Variants in STK32A observed in about 807,000 individuals in gnomAD.
STK32A encodes serine/threonine kinase 32A, also known as serine/threonine-protein kinase 32A.
A neutral mutation model predicts 53.2 loss-of-function variants in STK32A; 41 were observed. The ratio of observed to expected loss-of-function variants is 0.77; its 90% CI spans 0.60 to 1.00. STK32A has a LOEUF of 1.00. Among genes scored for constraint, STK32A ranks in the 50% least tolerant of loss-of-function variants. The probability of loss-of-function intolerance (pLI) is 0.00; values close to 1 mark genes in which losing one functional copy is unlikely to be tolerated. For synonymous variants in STK32A, 166 were observed against 162.8 expected (o/e 1.02, Z -0.15); for missense variants, 458 against 485.8 (o/e 0.94, Z 0.54).
rs978867870 is a variant in STK32A at position 147,309,400 on chromosome 5, T to C, written c.261-14498T>C. 4.1e-4 allele frequency among the ~76,000 whole-genome samples: 62 copies of C among 152,178 alleles called. 1 individual carries two copies. Among genetic ancestry groups the C allele is most frequent in the Non-Finnish European group, 1.3e-4 (9 of 68,030 alleles). The stretch of plus-strand genomic sequence containing the variant: ...CTGTGAAATTAGTAGAGAATTAGAA[T>C]AGGATTTTCTAAGTATCCATTTGAG... On this transcript the variant is annotated intron_variant, in intron 4 of 12. Transcript: ENST00000397936.
chr5:147,281,836 G>C (rs1752078619), intron 4 of STK32A, among the ~76,000 whole-genome samples: 1 of 152,132 alleles, frequency 6.6e-6, no homozygotes. Flanking sequence ...ATGAAGGAAA[G>C]AATCTTAAGA....
At chr5:147,333,979 A>G (rs1380917258) in intron 5 of STK32A, among the ~76,000 whole-genome samples, 1 of 152,212 alleles carries the variant, frequency 6.6e-6, no homozygotes, top group Non-Finnish European at 1.5e-5. Context: ...AACATTATAT[A>G]TAAGAAAGCA....
intron 2 of STK32A, among the ~76,000 whole-genome samples, chr5:147,266,625 G>A (rs895652027): frequency 2.0e-4 from 30 of 152,094 alleles, no homozygotes; most frequent in Non-Finnish European, 2.2e-4. Context: ...TGTGGATATA[G>A]CGAAGAACAA....
chr5:147,398,696 C>T, the STK32A span, among the ~76,000 whole-genome samples: 2 of 152,078 alleles, frequency 1.3e-5, no homozygotes, highest in Admixed American at 6.5e-5. Context: ...CCCTGACTTC[C>T]GGAAGTTAGG....
rs757351674 is a variant in STK32A, at chr5:147,373,175, G to A, written c.784G>A (p.Glu262Lys). 14 of 1,612,718 alleles carry A rather than the reference G, an allele frequency of 8.7e-6. No individual in the cohort carries two copies. Among genetic ancestry groups the A allele is most frequent in the African/African-American group, 2.7e-5 (2 of 74,742 alleles). ...EMVSLLKKLL[E>K]PNPDQRFSQL... ...GTTTGCATTTTATTGGCAGCTACTC[G>A]AACCTAATCCAGACCAACGATTTTC... The change falls in exon 10 of 13, where the codon GAA (glutamate) becomes AAA (lysine). Residue 262 changes from glutamate to lysine, a missense_variant. Transcript: ENST00000397936.
intron 11 of STK32A, among the ~76,000 whole-genome samples, chr5:147,379,464 G>C (rs546483091): frequency 6.6e-6 from 1 of 152,100 alleles, no homozygotes; most frequent in African/African-American, 2.4e-5. Context: ...TCATAGGCTT[G>C]TTCTGAGTAA....
intron 7 of STK32A, among the ~76,000 whole-genome samples, chr5:147,357,900 C>T (rs548390857): frequency 1.3e-5 from 2 of 152,084 alleles, no homozygotes; most frequent in African/African-American, 2.4e-5. Flanking sequence ...CATTTTTGTG[C>T]TAATATCTAT....
At chr5:147,391,112 G>A (rs1757786725), downstream of STK32A, 2 of 152,624 alleles carry the variant, frequency 1.3e-5, no homozygotes. Context: ...TTTTCCAGGG[G>A]AGAAAGCCTG....
chr5:147,363,870 A>T (rs1469426122), intron 8 of STK32A, among the ~76,000 whole-genome samples: 3 of 152,168 alleles, frequency 2.0e-5, no homozygotes, highest in Admixed American at 6.5e-5. Flanking sequence ...TTAACATTTT[A>T]CTATAAGCAG....
intron 6 of STK32A, among the ~76,000 whole-genome samples, chr5:147,350,318 T>C (rs1350608549): frequency 6.6e-6 from 1 of 151,788 alleles, no homozygotes; most frequent in Non-Finnish European, 1.5e-5. Flanking sequence ...AATATTTGTA[T>C]CCATATTCAT....
intron 4 of STK32A, among the ~76,000 whole-genome samples, chr5:147,283,260 C>A (rs754825028): frequency 1.3e-5 from 2 of 152,030 alleles, no homozygotes; most frequent in Non-Finnish European, 2.9e-5. Flanking sequence ...AATAATGACA[C>A]AACCTATCAA....
At chr5:147,377,858 T>C (rs919125141) in intron 11 of STK32A, among the ~76,000 whole-genome samples, 1 of 152,132 alleles carries the variant, frequency 6.6e-6, no homozygotes, top group Non-Finnish European at 1.5e-5. Flanking sequence ...GATGTTTCTG[T>C]TCAGAGATGG....
intron 11 of STK32A, among the ~76,000 whole-genome samples, chr5:147,381,583 C>A (rs914151551): frequency 2.0e-5 from 3 of 150,290 alleles, no homozygotes; most frequent in Non-Finnish European, 2.9e-5. Context: ...GAGGAGGTTG[C>A]AGTGAGCTGA....
the STK32A span, chr5:147,397,944 CCAG>C: frequency 8.0e-7 from 1 of 1,245,994 alleles, no homozygotes; most frequent in Admixed American, 2.8e-5. Context: ...TGCTGATTCA[CCAG>C]GTAAGCCAGG....
downstream of STK32A, chr5:147,392,414 A>AC (rs1170157768): frequency 6.6e-6 from 1 of 152,196 alleles, no homozygotes; most frequent in Non-Finnish European, 1.5e-5. Context: ...GCAGTCAGAG[A>AC]CAATGGTTTC....
chr5:147,264,224 C>T (rs1240763197), intron 2 of STK32A, among the ~76,000 whole-genome samples: 4 of 152,190 alleles, frequency 2.6e-5, no homozygotes, highest in Non-Finnish European at 5.9e-5. Context: ...GGGGGCACTG[C>T]ATGCAAGAGC....
At chr5:147,374,958 T>TA (rs1757168839) in intron 10 of STK32A, 132 bp from the exon 11 acceptor site, 9 of 658,096 alleles carry the variant, frequency 1.4e-5, no homozygotes, top group African/African-American at 7.5e-5. Flanking sequence ...ACGTAAAACT[T>TA]AGAGTGGGAA....
chr5:147,237,082 G>A (rs1037856454), intron 1 of STK32A, among the ~76,000 whole-genome samples: 28 of 152,238 alleles, frequency 1.8e-4, no homozygotes, highest in African/African-American at 5.8e-4. Context: ...GGAGGCCGAG[G>A]TGGGTGCATC....
intron 11 of STK32A, among the ~76,000 whole-genome samples, chr5:147,381,566 C>A (rs914242441): frequency 1.3e-5 from 2 of 151,736 alleles, no homozygotes; most frequent in African/African-American, 4.8e-5. Context: ...TCTCTTGAAC[C>A]CAAGAGGAGG....
Sources: allele counts gnomAD v4.1 joint callset (sites outside exome capture counted in the v4.1 genomes callset), GRCh38; gene constraint gnomAD v4.1.1; transcripts MANE v1.5; gene names NCBI Gene and HGNC (gene_info 2026-07-23, HGNC 2026-07-21).